CHSY3: variants seen among roughly 807,000 people sequenced by gnomAD.
CHSY3 encodes the protein chondroitin sulfate synthase 3, also known as N-acetylgalactosaminyl-proteoglycan 3-beta-glucuronosyltransferase 3.
CHSY3 carries 35 observed loss-of-function variants against 67.2 expected under a neutral mutation model. That is an observed-to-expected ratio of 0.52 (90% CI 0.40 to 0.69). CHSY3 has a LOEUF of 0.69. CHSY3 is among the 30% of genes least tolerant of loss of function. CHSY3 has a pLI of 0.00. For missense variants in CHSY3, 1,069 were observed against 1,138.5 expected, an observed-to-expected ratio of 0.94 and a Z score of 0.88; for synonymous variants, 474 against 434.7, an observed-to-expected ratio of 1.09 and a Z score of -1.12.
At chr5:130,030,504 AC>A (rs1309649946) in intron 2 of CHSY3, among the ~76,000 whole-genome samples, 2 of 152,180 alleles carry the variant, frequency 1.3e-5, no homozygotes, top group Non-Finnish European at 2.9e-5. Context: ...CTGATATAAT[AC>A]TGGTGCTTAG....
At chr5:130,026,136 A>AT (rs958319166) in intron 2 of CHSY3, among the ~76,000 whole-genome samples, 3 of 151,936 alleles carry the variant, frequency 2.0e-5, no homozygotes, top group African/African-American at 4.8e-5. Context: ...GTTTGTATAT[A>AT]TTTTTTCTGA....
intron 2 of CHSY3, among the ~76,000 whole-genome samples, chr5:130,116,863 C>CTTT (rs10610925): frequency 8.1e-5 from 12 of 148,932 alleles, no homozygotes; most frequent in African/African-American, 2.7e-4. Flanking sequence ...CTAGCTTTGT[C>CTTT]TTTTTTTTTT....
chr5:130,012,699 A>T (rs890764101), intron 2 of CHSY3, among the ~76,000 whole-genome samples: 1 of 152,088 alleles, frequency 6.6e-6, no homozygotes, highest in African/African-American at 2.4e-5. Flanking sequence ...ATCACTTCCC[A>T]CAAGATTCCT....
At chr5:130,013,087 G>A (rs894984769) in intron 2 of CHSY3, among the ~76,000 whole-genome samples, 10 of 151,842 alleles carry the variant, frequency 6.6e-5, no homozygotes, top group African/African-American at 2.2e-4. Context: ...AATCCAACAG[G>A]CCAGTTATTA....
chr5:130,165,430 A>G (rs938277859), intron 2 of CHSY3, among the ~76,000 whole-genome samples: 10 of 152,106 alleles, frequency 6.6e-5, no homozygotes, highest in African/African-American at 2.2e-4. Context: ...CACTTTCCCA[A>G]TTTGTCTTTT....
At chr5:130,010,285 T>A (rs78054963) in intron 2 of CHSY3, among the ~76,000 whole-genome samples, 3,890 of 152,250 alleles carry the variant, frequency 0.026, 171 homozygotes, top group African/African-American at 0.088. Flanking sequence ...AGCCATACTC[T>A]TGGACCACAG....
chr5:129,997,011 G>A (rs1763559549), intron 2 of CHSY3, among the ~76,000 whole-genome samples: 1 of 151,668 alleles, frequency 6.6e-6, no homozygotes, highest in South Asian at 2.1e-4. Flanking sequence ...TCATAACTAT[G>A]CCTTCTGTCA....
In CHSY3 at chr5:130,069,714, G is replaced by C. The variant is rs542363252; in HGVS notation, c.1087-114515G>C. Among the ~76,000 whole-genome samples the C allele has an allele frequency of 5.9e-5, 9 of 151,946 alleles. No homozygotes were observed. The South Asian group carries it at 1.9e-3, about 32-fold the overall frequency. ...TATTTTTATTGGATTGAACTTCTAGGAAACATAGCATATTCCAGACTGTGC... is the reference window on the plus strand; with the variant it reads ...TATTTTTATTGGATTGAACTTCTAGCAAACATAGCATATTCCAGACTGTGC... On this transcript the variant is annotated intron_variant, in intron 2 of 2. Transcript: ENST00000305031.
In CHSY3 at chr5:130,097,041, G is replaced by A. The variant is rs114993130; in HGVS notation, c.1087-87188G>A. Among the ~76,000 whole-genome samples the A allele has an allele frequency of 9.0e-3, 1,366 of 152,126 alleles. 14 individuals are homozygous for A. Among genetic ancestry groups the A allele is most frequent in the African/African-American group, 0.031 (1,268 of 41,496 alleles). ...TAATTTGTTTTTTGCTCCCCTTGTG[G>A]GTACACACATACAAAGTAGAGCAAT... On this transcript the variant is annotated intron_variant, in intron 2 of 2. Transcript: ENST00000305031.
At chr5:130,088,102 A>T (rs1020644659) in intron 2 of CHSY3, among the ~76,000 whole-genome samples, 1 of 152,162 alleles carries the variant, frequency 6.6e-6, no homozygotes, top group African/African-American at 2.4e-5. Context: ...AACCTGAGAA[A>T]AACAAGCAAT....
In CHSY3 at chr5:130,185,108, A is replaced by C; in HGVS notation, c.1966A>C (p.Ile656Leu). The change falls in exon 3 of 3, where the codon ATT (isoleucine) becomes CTT (leucine). Residue 656 changes from isoleucine (I) to leucine (L), a missense_variant. This residue lies in a region of CHSY3 where 401 missense variants were observed against 395.2 expected (regional missense o/e 1.01). Coordinates refer to ENST00000305031, the MANE Select transcript of CHSY3 (RefSeq NM_175856.5). ...LIPKQNVKLVIILFSRDSGQD... is the reference protein window; with the variant it reads ...LIPKQNVKLVLILFSRDSGQD... ...CCCAAAGCAGAATGTAAAGTTGGTC[A>C]TTATCCTTTTCAGTAGGGATTCTGG... 1 of 1,600,516 alleles carries C rather than the reference A, an allele frequency of 6.2e-7. No individual in the cohort carries two copies. The highest frequency in any genetic ancestry group is 8.6e-7 in the Non-Finnish European group (1 of 1,167,620).
chr5:129,905,311 G>A lies in CHSY3; in HGVS notation c.482G>A (p.Gly161Asp), dbSNP rs1383185867. The A allele has an allele frequency of 2.7e-6, 4 of 1,505,932 alleles. No individual in the cohort carries two copies. The highest frequency in any genetic ancestry group is 2.5e-5 in the East Asian group (1 of 40,766). 93.3% of individuals were successfully genotyped at this position (1,505,932 alleles called of 1,614,324 possible). ...GSSHNGSGDG[G>D]AAAPSARPRD... Reference sequence around the variant, plus strand: ...AGCCACAACGGCAGCGGGGACGGGGGCGCTGCCGCCCCGAGCGCCCGACCC... The same window carrying A: ...AGCCACAACGGCAGCGGGGACGGGGACGCTGCCGCCCCGAGCGCCCGACCC... Residue 161 changes from glycine to aspartate, a missense_variant, in exon 1 of 3, where the codon GGC becomes GAC. Gly to Asp is a moderately conservative substitution (Grantham distance 94). Transcript: ENST00000305031.
intron 2 of CHSY3, among the ~76,000 whole-genome samples, chr5:130,157,233 T>C (rs1190262499): frequency 6.6e-6 from 1 of 152,236 alleles, no homozygotes; most frequent in Non-Finnish European, 1.5e-5. Flanking sequence ...AATAATGATC[T>C]ACTGTATTTT....
chr5:130,069,247 A>G (rs1342108004), intron 2 of CHSY3, among the ~76,000 whole-genome samples: 4 of 152,078 alleles, frequency 2.6e-5, no homozygotes, highest in African/African-American at 7.2e-5. Context: ...ATTTGAAGCT[A>G]TAAGACTATG....
At chr5:130,076,951 A>G (rs1345116481) in intron 2 of CHSY3, among the ~76,000 whole-genome samples, 1 of 131,732 alleles carries the variant, frequency 7.6e-6, no homozygotes. Flanking sequence ...CTGTTGTGGG[A>G]TGCGGGGAGG....
intron 2 of CHSY3, among the ~76,000 whole-genome samples, chr5:129,979,704 A>T (rs2149621097): frequency 6.6e-6 from 1 of 152,302 alleles, no homozygotes; most frequent in African/African-American, 2.4e-5. Flanking sequence ...ATTCATCATT[A>T]TTGTATTTTA....
intron 2 of CHSY3, among the ~76,000 whole-genome samples, chr5:129,956,025 T>A (rs1762161484): frequency 6.6e-6 from 1 of 152,198 alleles, no homozygotes; most frequent in African/African-American, 2.4e-5. Flanking sequence ...ATAGAACAAT[T>A]TATATTCCTT....
intron 2 of CHSY3, among the ~76,000 whole-genome samples, chr5:130,036,691 A>T (rs369255264): frequency 1.3e-5 from 2 of 152,110 alleles, no homozygotes; most frequent in Admixed American, 6.6e-5. Flanking sequence ...CAGTTTCTTC[A>T]TGTGTGGAAA....
At chr5:129,917,876 A>C (rs1050537549) in intron 2 of CHSY3, among the ~76,000 whole-genome samples, 20 of 152,210 alleles carry the variant, frequency 1.3e-4, no homozygotes, top group Admixed American at 1.2e-3. Context: ...CAGCATGGAT[A>C]GTGTTTAAAA....
Sources: gnomAD v4.1 joint callset for allele counts (sites outside exome capture counted in the v4.1 genomes callset) on GRCh38, gnomAD v4.1.1 for gene constraint, gnomAD v4.1.1 regional missense constraint, MANE v1.5 for transcripts, NCBI Gene and HGNC (gene_info 2026-07-23, HGNC 2026-07-21) for gene names.